EEF1AKMT2: variants seen among roughly 807,000 people sequenced by gnomAD.
EEF1AKMT2 encodes the protein EEF1A lysine methyltransferase 2, also known as eukaryotic translation elongation factor 1 alpha lysine methyltransferase 2.
In EEF1AKMT2, 32 loss-of-function variants were observed where a neutral mutation model predicts 35.8. The ratio of observed to expected loss-of-function variants is 0.89; its 90% CI spans 0.67 to 1.20. The LOEUF is 1.20. EEF1AKMT2 is among the 50% of genes most tolerant of loss of function. The pLI is 0.00. For synonymous variants in EEF1AKMT2, 121 were observed against 133.7 expected, an observed-to-expected ratio of 0.91 and a Z score of 0.65; for missense variants, 330 against 347.5, an observed-to-expected ratio of 0.95 and a Z score of 0.40.
chr10:124,791,707 C>T lies in EEF1AKMT2; in HGVS notation c.110+17G>A, dbSNP rs74866494. ...GGGCGGCACGGCTCATCCTCCCCTGCCCAGCGTCACACTCACTGCTCGCGG... is the reference window on the plus strand; with the variant it reads ...GGGCGGCACGGCTCATCCTCCCCTGTCCAGCGTCACACTCACTGCTCGCGG... On this transcript the variant is annotated intron_variant, in intron 1 of 6. Transcript: ENST00000368836. 0.048 allele frequency: 74,766 copies of T among 1,568,248 alleles called. 2,124 individuals carry two copies. Among genetic ancestry groups the T allele is most frequent in the South Asian group, 0.098 (8,456 of 86,372 alleles).
In EEF1AKMT2 at chr10:124,765,432, AC is replaced by A. The variant is rs1160673345; in HGVS notation, c.575del (p.Cys192LeufsTer9). 3 of 1,613,880 alleles carry A rather than the reference AC, an allele frequency of 1.9e-6. No individual in the cohort carries two copies. In the African/African-American group the frequency reaches 4.0e-5, roughly 22 times the overall value. On this transcript the variant is annotated frameshift_variant, in exon 5 of 7. Transcript: ENST00000368836. LOFTEE classifies it high-confidence loss of function. ...TTAGCAACTCTTCCTTGGTCCAATT[AC>A]ATGACGTTATTAGAAAAAAGCCTTT... ...KVKGFFLITSCNWTKEELLNE... is the reference protein window; with the variant it reads ...KVKGFFLITSXNWTKEELLNE...
At chr10:124,780,953 CT>C (rs914033040) in intron 3 of EEF1AKMT2, among the ~76,000 whole-genome samples, 37 of 147,710 alleles carry the variant, frequency 2.5e-4, no homozygotes, top group South Asian at 8.5e-4. Context: ...AGTGACGTAA[CT>C]TTTTTTTTTT....
chr10:124,780,600 G>A (rs1024675979), intron 3 of EEF1AKMT2, among the ~76,000 whole-genome samples: 5 of 152,036 alleles, frequency 3.3e-5, no homozygotes, highest in South Asian at 2.1e-4. Context: ...TGGAGTTCAC[G>A]GGGACCTGTG....
chr10:124,759,197 AAT>A lies in EEF1AKMT2; in HGVS notation c.*1304_*1305del, dbSNP rs1472710159. ...CAAATACAAAATGGTATTAAGTATG[AAT>A]ATGACTTATCTTTTCAAAAACATTA... On this transcript the variant is annotated 3_prime_UTR_variant, in exon 7 of 7. Transcript: ENST00000368836. 1 of 152,234 alleles carries A rather than the reference AAT, an allele frequency of 6.6e-6. No individual in the cohort carries two copies. Among genetic ancestry groups the A allele is most frequent in the Admixed American group, 6.5e-5 (1 of 15,282 alleles). The allele number at this position is 152,234 out of a possible 1,614,324, so 9.4% of individuals were successfully genotyped here.
intron 3 of EEF1AKMT2, among the ~76,000 whole-genome samples, chr10:124,782,536 C>T (rs1462227439): frequency 7.3e-5 from 10 of 137,846 alleles, no homozygotes; most frequent in Admixed American, 8.3e-5. Context: ...GAGCCGAGAT[C>T]GCGCCACTGC....
intron 3 of EEF1AKMT2, among the ~76,000 whole-genome samples, chr10:124,781,343 C>G (rs1243043223): frequency 1.3e-5 from 2 of 151,724 alleles, no homozygotes; most frequent in Non-Finnish European, 2.9e-5. Context: ...CTTTTGAAGG[C>G]TGAGGCAGGC....
In EEF1AKMT2 at chr10:124,769,218, C is replaced by CAAAAAAAAAAA; in HGVS notation, c.400-3621_400-3611dup. Among the ~76,000 whole-genome samples, 183 of 31,262 alleles carry CAAAAAAAAAAA rather than the reference C, an allele frequency of 5.9e-3. 12 individuals are homozygous for CAAAAAAAAAAA. Among genetic ancestry groups the CAAAAAAAAAAA allele is most frequent in the Non-Finnish European group, 8.9e-3 (158 of 17,724 alleles). 20.5% of individuals were successfully genotyped at this position (31,262 alleles called of 152,430 possible). On this transcript the variant is annotated intron_variant, in intron 4 of 6. Transcript: ENST00000368836. ...GGGCTACAGGGCAAGACACTGTCTC[C>CAAAAAAAAAAA]AAAAAAAAAAAAAAAATATATATAT... is the stretch of plus-strand genomic sequence containing the variant.
At chr10:124,774,305 T>C (rs1950466732) in intron 4 of EEF1AKMT2, among the ~76,000 whole-genome samples, 1 of 133,598 alleles carries the variant, frequency 7.5e-6, no homozygotes, top group East Asian at 2.3e-4. Flanking sequence ...AGGCGGAGCT[T>C]GCAGTAAGCC....
chr10:124,786,827 A>C (rs1260965688), intron 3 of EEF1AKMT2, among the ~76,000 whole-genome samples: 2 of 152,106 alleles, frequency 1.3e-5, no homozygotes, highest in Non-Finnish European at 2.9e-5. Flanking sequence ...AAAGAAAGAA[A>C]AAGAAAAGAA....
intron 4 of EEF1AKMT2, among the ~76,000 whole-genome samples, chr10:124,771,261 G>A (rs560065325): frequency 1.3e-5 from 2 of 151,892 alleles, no homozygotes; most frequent in African/African-American, 4.8e-5. Flanking sequence ...CACCACACCT[G>A]GCTAATTCTT....
At chr10:124,766,139 T>G (rs994941152) in intron 4 of EEF1AKMT2, 1 of 153,230 alleles carries the variant, frequency 6.5e-6, no homozygotes, top group Non-Finnish European at 1.5e-5. Flanking sequence ...ATTTTTAACT[T>G]ATATTCCTAG....
chr10:124,786,762 A>G (rs568908318), intron 3 of EEF1AKMT2, among the ~76,000 whole-genome samples: 9 of 152,088 alleles, frequency 5.9e-5, no homozygotes, highest in African/African-American at 2.2e-4. Context: ...GTGAGCTGAG[A>G]TCGCACCACT....
chr10:124,789,134 C>T lies in EEF1AKMT2; in HGVS notation c.200G>A (p.Arg67Gln), dbSNP rs4347339. The change falls in exon 3 of 7, where the codon CGA (arginine) becomes CAA (glutamine). Residue 67 changes from arginine (R) to glutamine (Q), a missense_variant. Physicochemically the swap from Arg to Gln is conservative, Grantham distance 43. Transcript: ENST00000368836. Reference sequence around the variant, plus strand: ...GTGTTTCTGCATCCACCTTATTAGTCGATTCATACTCTCTTCTCCAAACCT... The same window carrying T: ...GTGTTTCTGCATCCACCTTATTAGTTGATTCATACTCTCTTCTCCAAACCT... ...EIWFGEESMN[R>Q]LIRWMQKHKI... 1.6e-4 allele frequency: 251 copies of T among 1,612,708 alleles called. 1 individual carries two copies. Among genetic ancestry groups the T allele is most frequent in the Non-Finnish European group, 1.8e-4 (211 of 1,179,240 alleles).
chr10:124,763,763 T>C (rs1051047750), intron 5 of EEF1AKMT2, among the ~76,000 whole-genome samples: 4 of 152,078 alleles, frequency 2.6e-5, no homozygotes, highest in African/African-American at 9.7e-5. Context: ...AGAACACCTG[T>C]ATTTAAAAAC....
At chr10:124,791,082 T>C (rs575652380) in intron 1 of EEF1AKMT2, among the ~76,000 whole-genome samples, 1 of 152,156 alleles carries the variant, frequency 6.6e-6, no homozygotes, top group South Asian at 2.1e-4. Flanking sequence ...TCCTTTTCAT[T>C]TGCCGTCTCT....
At chr10:124,771,306 A>G (rs192697284) in intron 4 of EEF1AKMT2, among the ~76,000 whole-genome samples, 63 of 151,700 alleles carry the variant, frequency 4.2e-4, no homozygotes, top group Admixed American at 2.4e-3. Context: ...TCACCATGTT[A>G]GCCAGGATGG....
intron 4 of EEF1AKMT2, among the ~76,000 whole-genome samples, chr10:124,770,981 C>T (rs964303388): frequency 6.6e-6 from 1 of 152,226 alleles, no homozygotes; most frequent in East Asian, 1.9e-4. Flanking sequence ...CCAAGTCATC[C>T]ATTAAGGTTG....
intron 4 of EEF1AKMT2, among the ~76,000 whole-genome samples, chr10:124,769,392 G>C (rs777906566): frequency 2.0e-4 from 31 of 151,480 alleles, no homozygotes; most frequent in Non-Finnish European, 3.5e-4. Context: ...GGGGAAATCA[G>C]GTCTGAGGAG....
downstream of EEF1AKMT2, among the ~76,000 whole-genome samples, chr10:124,756,892 G>C (rs1034521030): frequency 1.3e-5 from 2 of 152,070 alleles, no homozygotes; most frequent in African/African-American, 4.8e-5. Context: ...CTAACAAATT[G>C]CATGGTGTAT....
Sources: allele counts gnomAD v4.1 joint callset (sites outside exome capture counted in the v4.1 genomes callset), GRCh38; gene constraint gnomAD v4.1.1; transcripts MANE v1.5; gene names NCBI Gene and HGNC (gene_info 2026-07-23, HGNC 2026-07-21).